The following NBAS variants were observed in gnomAD, a reference collection of about 807,000 sequenced individuals.
The protein encoded by NBAS is NBAS subunit of NRZ tethering complex.
In NBAS, 219 loss-of-function variants were observed where a neutral mutation model predicts 302.5. The observed-to-expected ratio is 0.72, with a 90% CI of 0.65 to 0.81. The LOEUF (loss-of-function observed/expected upper bound fraction) is 0.81, where lower values mean the gene tolerates loss of function less well. Among genes scored for constraint, NBAS ranks in the 30% least tolerant of loss-of-function variants. The pLI is 0.00. For synonymous variants in NBAS, 1,118 were observed against 1,021.6 expected (o/e 1.09, Z -1.80); for missense variants, 2,932 against 2,841.6 (o/e 1.03, Z -0.72).
chr2:15,509,814 C>G (rs955367056), intron 10 of NBAS, among the ~76,000 whole-genome samples: 10 of 151,894 alleles, frequency 6.6e-5, no homozygotes, highest in African/African-American at 2.4e-4. Context: ...CACTAGGTAA[C>G]ATGGTAAACC....
intron 12 of NBAS, chr2:15,483,436 G>A (rs760226102): frequency 2.1e-5 from 7 of 339,426 alleles, no homozygotes; most frequent in Admixed American, 3.8e-5. Context: ...TTCTAGGCCT[G>A]AAGAAGTACA....
the NBAS span, among the ~76,000 whole-genome samples, chr2:14,938,150 T>C: frequency 6.6e-6 from 1 of 151,940 alleles, no homozygotes; most frequent in South Asian, 2.1e-4. Context: ...ATTAAAAAAA[T>C]AATTTAATGG....
At chr2:15,089,263 G>A in the NBAS span, among the ~76,000 whole-genome samples, 1 of 152,046 alleles carries the variant, frequency 6.6e-6, no homozygotes, top group African/African-American at 2.4e-5. Flanking sequence ...ATTACAGCAT[G>A]AGCCACCGCA....
At chr2:15,106,451 G>GTCTCTCTCTCTCTCTCTCTC in the NBAS span, among the ~76,000 whole-genome samples, 557 of 147,908 alleles carry the variant, frequency 3.8e-3, 11 homozygotes, top group African/African-American at 0.013. Context: ...CTCTGTCTCT[G>GTCTCTCTCTCTCTCTCTCTC]TCTCTCTCTC....
the NBAS span, among the ~76,000 whole-genome samples, chr2:14,947,718 G>C: frequency 6.6e-6 from 1 of 151,916 alleles, no homozygotes; most frequent in Non-Finnish European, 1.5e-5. Context: ...CCCATTTTTA[G>C]AGAAATAAAC....
chr2:15,179,259 C>G, intron 50 of NBAS, 143 bp from the exon 51 acceptor site: 2 of 1,240,912 alleles, frequency 1.6e-6, no homozygotes, highest in Non-Finnish European at 2.3e-6. Context: ...ACTGGATATA[C>G]TGAATATGGG....
chr2:15,098,186 A>T, the NBAS span, among the ~76,000 whole-genome samples: 1 of 13,018 alleles, frequency 7.7e-5, no homozygotes, highest in Non-Finnish European at 1.1e-4. Context: ...TATATTGTAT[A>T]TAATATATTA....
intron 28 of NBAS, among the ~76,000 whole-genome samples, chr2:15,389,563 T>C (rs867157869): frequency 3.5e-4 from 53 of 152,162 alleles, no homozygotes; most frequent in Admixed American, 3.3e-3. Flanking sequence ...TTTCCTAATA[T>C]GACTTCCTTA....
chr2:14,787,187 C>G, the NBAS span, among the ~76,000 whole-genome samples: 232 of 152,250 alleles, frequency 1.5e-3, no homozygotes, highest in Middle Eastern at 0.014. Flanking sequence ...GATCTTCCTC[C>G]ATCCTTTTAT....
At chr2:14,966,204 G>A in the NBAS span, among the ~76,000 whole-genome samples, 4 of 152,142 alleles carry the variant, frequency 2.6e-5, no homozygotes, top group Non-Finnish European at 5.9e-5. Context: ...AGAACTATGA[G>A]AGAATAAATT....
chr2:15,514,567 C>A (rs868868825), intron 9 of NBAS, among the ~76,000 whole-genome samples: 1 of 151,880 alleles, frequency 6.6e-6, no homozygotes, highest in African/African-American at 2.4e-5. Flanking sequence ...CTTAAGAATT[C>A]AATAAATTCC....
rs1184370144 is a variant in NBAS, at chr2:15,500,500, TCTCACACA to T, written c.954+3637_954+3644del. On this transcript the variant is annotated intron_variant, in intron 11 of 51. Coordinates refer to ENST00000281513, the MANE Select transcript of NBAS (RefSeq NM_015909.4). ...ATTCTACACCATTATATTTTAGAAG[TCTCACACA>T]CACACACACACACACACACACACAC... Among the ~76,000 whole-genome samples, 6 of 112,158 alleles carry T rather than the reference TCTCACACA, an allele frequency of 5.3e-5. 1 individual carries two copies. The highest frequency in any genetic ancestry group is 3.0e-4 in the Admixed American group (3 of 10,018). The allele number at this position is 112,158 out of a possible 152,430, so 73.6% of individuals were successfully genotyped here. A position where few individuals can be genotyped will look rare whatever the true frequency, so the allele number is the denominator to read the frequency against.
At chr2:14,982,054 C>T in the NBAS span, among the ~76,000 whole-genome samples, 4 of 152,172 alleles carry the variant, frequency 2.6e-5, no homozygotes, top group Non-Finnish European at 5.9e-5. Flanking sequence ...AATAAGAAGC[C>T]TTGCAGATTT....
chr2:15,445,832 A>G (rs1678708002), intron 21 of NBAS, among the ~76,000 whole-genome samples: 1 of 151,942 alleles, frequency 6.6e-6, no homozygotes, highest in South Asian at 2.1e-4. Context: ...AGAAACACCA[A>G]TGACATGAGA....
At chr2:15,068,676 C>T in the NBAS span, among the ~76,000 whole-genome samples, 1 of 152,154 alleles carries the variant, frequency 6.6e-6, no homozygotes, top group African/African-American at 2.4e-5. Flanking sequence ...ATAGTGACTC[C>T]GATTTGCTTT....
At chr2:14,977,757 G>A in the NBAS span, among the ~76,000 whole-genome samples, 11 of 152,226 alleles carry the variant, frequency 7.2e-5, no homozygotes, top group East Asian at 2.1e-3. Flanking sequence ...AGAGAACAGG[G>A]TCAAGTTTCT....
chr2:15,082,372 T>C, the NBAS span, among the ~76,000 whole-genome samples: 2 of 152,194 alleles, frequency 1.3e-5, no homozygotes, highest in Non-Finnish European at 2.9e-5. Flanking sequence ...AGAGGAAAGA[T>C]GTGGTCTCTA....
chr2:15,041,493 T>G, the NBAS span, among the ~76,000 whole-genome samples: 1 of 152,128 alleles, frequency 6.6e-6, no homozygotes, highest in Non-Finnish European at 1.5e-5. Context: ...CTGTAGCATG[T>G]GGAGGAGTCC....
chr2:14,965,126 A>G, the NBAS span, among the ~76,000 whole-genome samples: 163 of 152,288 alleles, frequency 1.1e-3, 1 homozygote, highest in South Asian at 9.3e-3. Flanking sequence ...TTAAGAAACT[A>G]GAAAATGATG....
Sources: gnomAD v4.1 joint callset for allele counts (sites outside exome capture counted in the v4.1 genomes callset) on GRCh38, gnomAD v4.1.1 for gene constraint, MANE v1.5 for transcripts, NCBI Gene and HGNC (gene_info 2026-07-23, HGNC 2026-07-21) for gene names.